ADAMTSL2: variants seen among roughly 807,000 people sequenced by gnomAD.
ADAMTSL2 encodes ADAMTS like 2.
ADAMTSL2 carries 55 observed loss-of-function variants against 117.0 expected under a neutral mutation model. The observed-to-expected ratio is 0.47, with a 90% CI of 0.38 to 0.59. The LOEUF (loss-of-function observed/expected upper bound fraction) is 0.59, where lower values mean the gene tolerates loss of function less well. ADAMTSL2 is among the 20% of genes least tolerant of loss of function. The probability of loss-of-function intolerance (pLI) is 0.00; values close to 1 mark genes in which losing one functional copy is unlikely to be tolerated. For synonymous variants in ADAMTSL2, 572 were observed against 566.4 expected, an observed-to-expected ratio of 1.01 and a Z score of -0.14; for missense variants, 1,182 against 1,354.5, an observed-to-expected ratio of 0.87 and a Z score of 2.00.
chr9:133,550,480 T>C (rs1313713024), intron 9 of ADAMTSL2, among the ~76,000 whole-genome samples: 1 of 152,210 alleles, frequency 6.6e-6, no homozygotes, highest in Non-Finnish European at 1.5e-5. Context: ...CTCGGTACCC[T>C]GTCCCATTCA....
chr9:133,545,954 C>A (rs1172445781), intron 8 of ADAMTSL2, among the ~76,000 whole-genome samples: 1 of 152,094 alleles, frequency 6.6e-6, no homozygotes, highest in Non-Finnish European at 1.5e-5. Flanking sequence ...ACATGTCCTG[C>A]TTGTTGCGTC....
chr9:133,571,153 A>G (rs1341945254), intron 17 of ADAMTSL2, among the ~76,000 whole-genome samples: 2 of 152,144 alleles, frequency 1.3e-5, no homozygotes, highest in African/African-American at 4.8e-5. Flanking sequence ...ACGTGTGGCA[A>G]CCCTCACCCA....
chr9:133,565,700 G>A (rs1830954048), intron 12 of ADAMTSL2, among the ~76,000 whole-genome samples: 1 of 152,230 alleles, frequency 6.6e-6, no homozygotes, highest in Non-Finnish European at 1.5e-5. Context: ...AGGAGCCGCT[G>A]GCCTGCAGAC....
intron 4 of ADAMTSL2, 72 bp downstream of exon 4, chr9:133,538,496 C>T: frequency 6.4e-7 from 1 of 1,555,958 alleles, no homozygotes; most frequent in Non-Finnish European, 8.8e-7. Context: ...GGGGGTCTTC[C>T]AGGTGGCTCC....
chr9:133,570,282 G>T (rs1326464404), intron 16 of ADAMTSL2, 49 bp from the exon 17 acceptor site: 4 of 1,532,294 alleles, frequency 2.6e-6, no homozygotes, highest in Non-Finnish European at 3.5e-6. Context: ...CTGTGTGTAG[G>T]GTCCTGCTGG....
At chr9:133,541,057 C>T in intron 7 of ADAMTSL2, 56 bp downstream of exon 7, 1 of 1,578,282 alleles carries the variant, frequency 6.3e-7, no homozygotes, top group East Asian at 2.3e-5. Context: ...AATCGGGGGT[C>T]CTGAGTGTGC....
intron 17 of ADAMTSL2, among the ~76,000 whole-genome samples, chr9:133,573,104 G>T (rs1831149248): frequency 6.6e-6 from 1 of 152,180 alleles, no homozygotes; most frequent in African/African-American, 2.4e-5. Flanking sequence ...TGGAGAGTGG[G>T]TCCCAGGGCC....
chr9:133,566,879 C>T (rs1830985734), intron 12 of ADAMTSL2, 57 bp from the exon 13 acceptor site: 7 of 1,573,742 alleles, frequency 4.4e-6, no homozygotes, highest in African/African-American at 2.7e-5. Flanking sequence ...TGAGGCCTGT[C>T]TGCTGGGCTC....
chr9:133,565,368 C>G (rs1342440230), intron 12 of ADAMTSL2, among the ~76,000 whole-genome samples: 1 of 152,198 alleles, frequency 6.6e-6, no homozygotes, highest in African/African-American at 2.4e-5. Flanking sequence ...TCCAGTCTCT[C>G]TTGACCAAGG....
chr9:133,564,641 G>GA (rs1830913256), intron 12 of ADAMTSL2, among the ~76,000 whole-genome samples: 48 of 13,066 alleles, frequency 3.7e-3, no homozygotes, highest in South Asian at 9.8e-3. Context: ...AGAGAGAGAG[G>GA]GAGAGAGGGA....
Position 133,541,292 on chromosome 9 carries a change from CT to C in ADAMTSL2, c.682+305del, listed in dbSNP as rs113918663. Among the ~76,000 whole-genome samples the C allele has an allele frequency of 0.026, 3,775 of 143,502 alleles. 139 individuals are homozygous for C. The highest frequency in any genetic ancestry group is 0.082 in the African/African-American group (3,247 of 39,374). 94.1% of individuals were successfully genotyped at this position (143,502 alleles called of 152,430 possible). A position where few individuals can be genotyped will look rare whatever the true frequency, so the allele number is the denominator to read the frequency against. ...CTGCAGGGAGGTGTTAACAATGCAC[CT>C]TTTTTTTTTTTTTGAGACAGAGTCT... On this transcript the variant is annotated intron_variant, in intron 7 of 18. Coordinates refer to ENST00000651351, the MANE Select transcript of ADAMTSL2 (RefSeq NM_014694.4).
chr9:133,546,387 C>A (rs1312167226), intron 8 of ADAMTSL2, among the ~76,000 whole-genome samples: 1 of 126,128 alleles, frequency 7.9e-6, no homozygotes, highest in Non-Finnish European at 1.6e-5. Context: ...CCTGATTGGG[C>A]ACCCAGGAAG....
chr9:133,554,603 G>A lies in ADAMTSL2; in HGVS notation c.1186G>A (p.Gly396Ser). 6.5e-7 allele frequency: 1 copy of A among 1,547,860 alleles called. No homozygotes were observed. The highest frequency in any genetic ancestry group is 8.7e-7 in the Non-Finnish European group (1 of 1,146,528). Residue 396 changes from glycine (G) to serine (S), a missense_variant, in exon 10 of 19, where the codon GGC becomes AGC. This residue lies in a region of ADAMTSL2 where 345 missense variants were observed against 325.8 expected (regional missense o/e 1.06). Coordinates refer to ENST00000651351, the MANE Select transcript of ADAMTSL2 (RefSeq NM_014694.4). This position sits in a 1 kb window ranked among gnomAD's most constrained non-coding sequence, Gnocchi z 5.2. ...CCACCCGGGCCTGGACATGGAGCTG[G>A]GCCCCAGCCAGGGCCAGGAGACCAA... Reference protein sequence around the residue: ...FGHPGLDMELGPSQGQETNEV... With the variant: ...FGHPGLDMELSPSQGQETNEV...
At chr9:133,540,465 T>G in intron 5 of ADAMTSL2, 133 bp from the exon 6 acceptor site, 1 of 1,254,920 alleles carries the variant, frequency 8.0e-7, no homozygotes, top group South Asian at 1.3e-5. Context: ...CTGGACAGGT[T>G]CCTTCTGTTC....
At position 133,534,916 on chromosome 9, in the gene ADAMTSL2, A is replaced by AG. The variant is rs1303245054; in HGVS notation, c.-151+1dup. 1 of 1,396,156 alleles carries AG rather than the reference A, an allele frequency of 7.2e-7. No homozygotes were observed. The highest frequency in any genetic ancestry group is 3.0e-5 in the East Asian group (1 of 32,884). 86.5% of individuals were successfully genotyped at this position (1,396,156 alleles called of 1,614,324 possible). ...GAGGACAACCTGCTGACCCGAAGCC[A>AG]GGTAGGCCACCTCGTCCCCGTCCCC... On this transcript the variant is annotated splice_region_variant and 5_prime_UTR_variant, in exon 1 of 19. An upstream open reading frame in the 5' UTR gains an earlier in-frame stop. Transcript: ENST00000651351.
At chr9:133,544,057 A>G (rs11531974) in intron 7 of ADAMTSL2, among the ~76,000 whole-genome samples, 128,787 of 151,918 alleles carry the variant, frequency 0.85, 55,293 homozygotes, top group Non-Finnish European at 0.92. Flanking sequence ...TTGAAAGTCA[A>G]CGTGTTGTTG....
At position 133,558,835 on chromosome 9, in the gene ADAMTSL2, C is replaced by T. The variant is rs1830664806; in HGVS notation, c.1650-2363C>T. 1.3e-5 allele frequency among the ~76,000 whole-genome samples: 2 copies of T among 152,212 alleles called. 1 individual carries two copies. The highest frequency in any genetic ancestry group is 6.4e-3 in the Middle Eastern group (2 of 314). ...CCTGTGCTACTTCCAAGAACGGAAC[C>T]TGCTAGGCGTTGCATTGTTGTGCAA... On this transcript the variant is annotated intron_variant, in intron 11 of 18. Transcript: ENST00000651351. This position sits in a 1 kb window ranked among gnomAD's most constrained non-coding sequence, Gnocchi z 4.3.
chr9:133,573,973 C>T lies in ADAMTSL2; in HGVS notation c.2723C>T (p.Pro908Leu). The change falls in exon 18 of 19, where the codon CCC becomes CTC. Residue 908 changes from proline to leucine, a missense_variant. By Grantham distance (98) the Pro-to-Leu change is moderately conservative. Transcript: ENST00000651351. The stretch of plus-strand genomic sequence containing the variant: ...CAGGCCTGTGATCTGCAGCCCTGCC[C>T]CACGGAGCCCCCAGGTGAGGCGCGG... ...GRQACDLQPC[P>L]TEPPDDSCQD... 6.2e-7 allele frequency: 1 copy of T among 1,613,416 alleles called. No individual in the cohort carries two copies. The highest frequency in any genetic ancestry group is 8.5e-7 in the Non-Finnish European group (1 of 1,179,858).
At chr9:133,546,099 C>T (rs1830340992) in intron 8 of ADAMTSL2, among the ~76,000 whole-genome samples, 1 of 152,072 alleles carries the variant, frequency 6.6e-6, no homozygotes, top group African/African-American at 2.4e-5. Context: ...CAGAGTGTCC[C>T]GAGCGCCGAA....
Sources: gnomAD v4.1 joint callset for allele counts (sites outside exome capture counted in the v4.1 genomes callset) on GRCh38, gnomAD v4.1.1 for gene constraint, gnomAD v4.1.1 regional missense constraint, Gnocchi (gnomAD v3.1) non-coding constraint, MANE v1.5 for transcripts, NCBI Gene and HGNC (gene_info 2026-07-23, HGNC 2026-07-21) for gene names.